Variants in ABHD12 observed in about 807,000 individuals in gnomAD.
ABHD12 encodes the protein abhydrolase domain containing 12, lysophospholipase.
A neutral mutation model predicts 58.3 loss-of-function variants in ABHD12; 43 were observed. The observed-to-expected ratio is 0.74, with a 90% confidence interval of 0.58 to 0.95. The LOEUF (loss-of-function observed/expected upper bound fraction) is 0.95. Ranked by LOEUF, ABHD12 falls within the 40% of genes least tolerant of loss-of-function variation. The pLI, the probability that ABHD12 is intolerant of heterozygous loss-of-function variation, is 0.00. For missense variants in ABHD12, 539 were observed against 537.2 expected, an observed-to-expected ratio of 1.00 and a Z score of -0.03; for synonymous variants, 219 against 211.2, an observed-to-expected ratio of 1.04 and a Z score of -0.32.
At chr20:25,338,830 A>G (rs1246935595) in intron 2 of ABHD12, 1 of 1,025,408 alleles carries the variant, frequency 9.8e-7, no homozygotes, top group Non-Finnish European at 1.2e-6. Flanking sequence ...CTGACAAGGC[A>G]TCTCCAACAT....
intron 7 of ABHD12, among the ~76,000 whole-genome samples, chr20:25,308,975 G>A (rs548794467): frequency 7.2e-5 from 11 of 152,152 alleles, no homozygotes; most frequent in Non-Finnish European, 8.8e-5. Context: ...GGGCTGCCCC[G>A]AAGGGAAAGG....
At chr20:25,322,390 T>G (rs1437415346) in intron 3 of ABHD12, among the ~76,000 whole-genome samples, 2 of 123,594 alleles carry the variant, frequency 1.6e-5, no homozygotes, top group East Asian at 3.9e-4. Flanking sequence ...TATTTTTTTT[T>G]TTTTTTGAGA....
chr20:25,390,685 G>C lies in ABHD12; in HGVS notation c.19C>G (p.Pro7Ala). The change falls in exon 1 of 13, where the codon CCC (proline) becomes GCC (alanine). Residue 7 changes from proline to alanine, a missense_variant. Transcript: ENST00000339157. Reference sequence around the variant, plus strand: ...CAGCGCTCATGCTCCAAGGCGACGGGCTCGGTCCGCTTCCTCATCCCGCGG... The same window carrying C: ...CAGCGCTCATGCTCCAAGGCGACGGCCTCGGTCCGCTTCCTCATCCCGCGG... MRKRTE[P>A]VALEHERCAA... is the part of the protein sequence containing the mutation. 1.4e-6 allele frequency: 2 copies of C among 1,414,350 alleles called. No homozygotes were observed. Among genetic ancestry groups the C allele is most frequent in the African/African-American group, 1.5e-5 (1 of 66,796 alleles). The allele number at this position is 1,414,350 out of a possible 1,614,324, so 87.6% of individuals were successfully genotyped here.
At chr20:25,372,892 C>T (rs941377683) in intron 1 of ABHD12, among the ~76,000 whole-genome samples, 1 of 152,240 alleles carries the variant, frequency 6.6e-6, no homozygotes. Context: ...CCAGAGCAAC[C>T]TCCAGTCCTG....
chr20:25,356,753 G>C (rs945104093), intron 1 of ABHD12, among the ~76,000 whole-genome samples: 1 of 152,180 alleles, frequency 6.6e-6, no homozygotes, highest in Non-Finnish European at 1.5e-5. Flanking sequence ...GACTGTGATG[G>C]AATCTGCCCT....
Position 25,339,278 on chromosome 20 carries a change from G to T in ABHD12, c.265C>A (p.Leu89Ile), listed in dbSNP as rs2089422143. 1 of 1,614,014 alleles carries T rather than the reference G, an allele frequency of 6.2e-7. No homozygotes were observed. Among genetic ancestry groups the T allele is most frequent in the African/African-American group, 1.3e-5 (1 of 74,900 alleles). The change falls in exon 2 of 13, where the codon CTC becomes ATC. Residue 89 changes from leucine (L) to isoleucine (I), a missense_variant. By Grantham distance (5) the Leu-to-Ile change is conservative. Coordinates refer to ENST00000339157, the MANE Select transcript of ABHD12 (RefSeq NM_001042472.3). ...TGTATTCCAGGACATAGTTTGATGA[G>T]AAATGGAATGGCAATGTACAACCCC... ...VLGLYIAIPF[L>I]IKLCPGIQAK...
At chr20:25,322,395 T>TTTTTTTTTTTTA (rs2089093579) in intron 3 of ABHD12, among the ~76,000 whole-genome samples, 1 of 57,396 alleles carries the variant, frequency 1.7e-5, no homozygotes, top group Non-Finnish European at 3.6e-5. Context: ...TTTTTTTTTT[T>TTTTTTTTTTTTA]TGAGACAAGA....
intron 1 of ABHD12, among the ~76,000 whole-genome samples, chr20:25,387,293 G>A (rs180671433): frequency 6.6e-6 from 1 of 152,258 alleles, no homozygotes; most frequent in Non-Finnish European, 1.5e-5. Context: ...AGACATGGTG[G>A]CTCACACCTG....
At chr20:25,302,410 A>G in intron 11 of ABHD12, 64 bp from the exon 12 acceptor site, 3 of 1,602,196 alleles carry the variant, frequency 1.9e-6, no homozygotes, top group Non-Finnish European at 2.6e-6. Flanking sequence ...CCTGAGGAAC[A>G]CCAGCTTGGC....
intron 1 of ABHD12, among the ~76,000 whole-genome samples, chr20:25,353,070 T>A (rs1006048446): frequency 5.9e-5 from 9 of 152,192 alleles, no homozygotes; most frequent in African/African-American, 2.2e-4. Flanking sequence ...AGCAGCTCTA[T>A]CGCCACCACA....
At chr20:25,357,565 C>G (rs115889702) in intron 1 of ABHD12, among the ~76,000 whole-genome samples, 1 of 152,086 alleles carries the variant, frequency 6.6e-6, no homozygotes, top group African/African-American at 2.4e-5. Flanking sequence ...TTCTTAAACA[C>G]AACTTGGACC....
intron 1 of ABHD12, among the ~76,000 whole-genome samples, chr20:25,384,914 G>C (rs989834183): frequency 3.9e-5 from 6 of 152,100 alleles, no homozygotes. Context: ...GCATCCCCCA[G>C]AACTAAAAAG....
chr20:25,331,063 G>C (rs1209530876), intron 2 of ABHD12, among the ~76,000 whole-genome samples: 1 of 152,152 alleles, frequency 6.6e-6, no homozygotes, highest in East Asian at 1.9e-4. Context: ...TTGAAAACTT[G>C]GAAAAAAATT....
At chr20:25,316,049 C>A (rs1413590262) in intron 5 of ABHD12, among the ~76,000 whole-genome samples, 1 of 152,256 alleles carries the variant, frequency 6.6e-6, no homozygotes, top group African/African-American at 2.4e-5. Flanking sequence ...GACCTGCAGG[C>A]GCTCCCACTG....
At chr20:25,355,325 TC>T (rs1468557248) in intron 1 of ABHD12, among the ~76,000 whole-genome samples, 2 of 151,914 alleles carry the variant, frequency 1.3e-5, no homozygotes. Context: ...ACAGACCCTG[TC>T]CCCAGTTTTA....
chr20:25,382,876 C>G (rs1296255997), intron 1 of ABHD12, among the ~76,000 whole-genome samples: 1 of 152,128 alleles, frequency 6.6e-6, no homozygotes, highest in Non-Finnish European at 1.5e-5. Context: ...TGGCCAGTCC[C>G]TGGCTGGAGT....
chr20:25,295,880 A>G (rs546452933), downstream of ABHD12, among the ~76,000 whole-genome samples: 4 of 152,306 alleles, frequency 2.6e-5, no homozygotes, highest in East Asian at 7.7e-4. Context: ...ACAGCTCCTA[A>G]TGGCCAAGAA....
At chr20:25,345,467 ATCT>A (rs1399956404) in intron 1 of ABHD12, among the ~76,000 whole-genome samples, 1 of 152,204 alleles carries the variant, frequency 6.6e-6, no homozygotes, top group African/African-American at 2.4e-5. Context: ...TAAAATTGAA[ATCT>A]TCTGCTCTGT....
intron 9 of ABHD12, 69 bp from the exon 10 acceptor site, chr20:25,306,984 G>T: frequency 8.6e-7 from 1 of 1,165,280 alleles, no homozygotes; most frequent in Non-Finnish European, 1.3e-6. Context: ...CAAGGGTGCA[G>T]ACAGTTTAAG....
Sources: allele counts gnomAD v4.1 joint callset (sites outside exome capture counted in the v4.1 genomes callset), GRCh38; gene constraint gnomAD v4.1.1; transcripts MANE v1.5; gene names NCBI Gene and HGNC (gene_info 2026-07-23, HGNC 2026-07-21).